SLC41A2: variants seen among roughly 807,000 people sequenced by gnomAD.
The protein encoded by SLC41A2 is SLC41A1-like 1.
A neutral mutation model predicts 58.3 loss-of-function variants in SLC41A2; 32 were observed. The observed-to-expected ratio is 0.55, with a 90% CI of 0.41 to 0.74. The LOEUF (loss-of-function observed/expected upper bound fraction) is 0.74, where lower values mean the gene tolerates loss of function less well. SLC41A2 is among the 30% of genes least tolerant of loss of function. SLC41A2 has a pLI of 0.00. For missense variants in SLC41A2, 514 were observed against 680.6 expected (o/e 0.76, Z 2.72); for synonymous variants, 190 against 235.0 (o/e 0.81, Z 1.75).
At chr12:104,955,803 G>A (rs762505668) in intron 1 of SLC41A2, among the ~76,000 whole-genome samples, 15 of 151,088 alleles carry the variant, frequency 9.9e-5, no homozygotes, top group African/African-American at 2.2e-4. Flanking sequence ...ATTTGTGTGC[G>A]CTCGGAAATT....
intron 1 of SLC41A2, among the ~76,000 whole-genome samples, chr12:104,946,972 T>G (rs1565923328): frequency 6.6e-6 from 1 of 152,178 alleles, no homozygotes; most frequent in Non-Finnish European, 1.5e-5. Context: ...CACTGGTTTA[T>G]GGTGAGGATT....
chr12:104,908,893 G>T (rs1412629014), intron 3 of SLC41A2, among the ~76,000 whole-genome samples: 2 of 152,076 alleles, frequency 1.3e-5, no homozygotes, highest in Non-Finnish European at 2.9e-5. Flanking sequence ...AATAAGAATG[G>T]AAAAATGTAT....
intron 8 of SLC41A2, among the ~76,000 whole-genome samples, chr12:104,860,062 T>C (rs778205654): frequency 6.6e-6 from 1 of 152,114 alleles, no homozygotes; most frequent in African/African-American, 2.4e-5. Context: ...TCTTTTTACA[T>C]AGATATGCAA....
chr12:104,925,488 G>A (rs2046797724), intron 2 of SLC41A2, among the ~76,000 whole-genome samples: 1 of 152,132 alleles, frequency 6.6e-6, no homozygotes, highest in Non-Finnish European at 1.5e-5. Context: ...AACCCGGGAG[G>A]CGGAGTTTGC....
intron 2 of SLC41A2, among the ~76,000 whole-genome samples, chr12:104,919,663 G>A (rs2046498901): frequency 6.6e-6 from 1 of 151,856 alleles, no homozygotes; most frequent in South Asian, 2.1e-4. Flanking sequence ...AACTGCTCTG[G>A]GTCTTCTGCC....
Position 104,861,368 on chromosome 12 carries a change from A to G in SLC41A2, c.1178T>C (p.Ile393Thr), listed in dbSNP as rs776892712. Residue 393 changes from isoleucine to threonine, a missense_variant and splice_region_variant, in exon 8 of 11, where the codon ATT (isoleucine) becomes ACT (threonine). Ile to Thr is a moderately conservative substitution (Grantham distance 89, BLOSUM62 -1). Transcript: ENST00000258538. ...PVITAMVISS[I>T]GGLILDTTVS... ...AGTTGTGTCCAGAATAAGGCCCCCA[A>G]TGCTGAAAGAGATAAAATTATATAA... The G allele has an allele frequency of 3.1e-6, 5 of 1,610,296 alleles. No individual in the cohort carries two copies. Among genetic ancestry groups the G allele is most frequent in the African/African-American group, 2.7e-5 (2 of 74,842 alleles).
chr12:104,949,428 T>C (rs1188427820), intron 1 of SLC41A2, among the ~76,000 whole-genome samples: 1 of 152,200 alleles, frequency 6.6e-6, no homozygotes, highest in Non-Finnish European at 1.5e-5. Flanking sequence ...GATCATCCTT[T>C]ACACAAAGAT....
rs534947595 is a variant in SLC41A2, at chr12:104,958,075, C to G, written c.-168+13G>C. On this transcript the variant is annotated intron_variant, in intron 1 of 10. Transcript: ENST00000258538. ...CGCCGCGGCCGAAGCCGAGACTTCC[C>G]CTCCATGGTCACCTGTTCCGGAGCG... The G allele has an allele frequency of 2.0e-5, 3 of 152,742 alleles. No homozygotes were observed. In the East Asian group the frequency reaches 5.8e-4, roughly 29 times the overall value. 9.5% of individuals were successfully genotyped at this position (152,742 alleles called of 1,614,324 possible).
intron 10 of SLC41A2, among the ~76,000 whole-genome samples, chr12:104,820,302 C>A (rs532508538): frequency 3.3e-5 from 5 of 152,202 alleles, no homozygotes; most frequent in Admixed American, 6.5e-5. Flanking sequence ...CCTGTGTCTA[C>A]TTAAAAATAA....
chr12:104,824,390 A>G (rs1049248901), intron 10 of SLC41A2, among the ~76,000 whole-genome samples: 2 of 152,140 alleles, frequency 1.3e-5, no homozygotes, highest in African/African-American at 4.8e-5. Flanking sequence ...CACCAGCAGA[A>G]TGATGTGGAG....
intron 1 of SLC41A2, among the ~76,000 whole-genome samples, chr12:104,929,387 T>G (rs73383441): frequency 0.031 from 4,650 of 152,338 alleles, 137 homozygotes; most frequent in East Asian, 0.15. Context: ...AATATTCACT[T>G]AAACCTCCAT....
intron 8 of SLC41A2, among the ~76,000 whole-genome samples, chr12:104,859,761 C>CT (rs2043138620): frequency 6.6e-6 from 1 of 151,960 alleles, no homozygotes; most frequent in African/African-American, 2.4e-5. Flanking sequence ...GAGACAAGGT[C>CT]TTGCTCTGTT....
At chr12:104,883,953 T>C (rs1325330309) in intron 6 of SLC41A2, among the ~76,000 whole-genome samples, 4 of 152,144 alleles carry the variant, frequency 2.6e-5, no homozygotes, top group Non-Finnish European at 4.4e-5. Flanking sequence ...AGAGGTGGAG[T>C]CTACAGAGGC....
chr12:104,849,802 TGG>T (rs2042734756), intron 8 of SLC41A2, among the ~76,000 whole-genome samples: 1 of 152,206 alleles, frequency 6.6e-6, no homozygotes, highest in Non-Finnish European at 1.5e-5. Context: ...CACTCCAGTC[TGG>T]GTGACAGAAT....
At chr12:104,944,349 TG>T (rs1424293051) in intron 1 of SLC41A2, among the ~76,000 whole-genome samples, 1 of 152,206 alleles carries the variant, frequency 6.6e-6, no homozygotes, top group Non-Finnish European at 1.5e-5. Flanking sequence ...CTTCCCTTAC[TG>T]GGACACCTTC....
intron 8 of SLC41A2, among the ~76,000 whole-genome samples, chr12:104,858,710 T>C (rs1349740182): frequency 1.3e-5 from 2 of 152,268 alleles, no homozygotes; most frequent in East Asian, 3.9e-4. Context: ...CAGGGTTTGG[T>C]CGTGTTGCCC....
At chr12:104,913,117 A>T (rs1370389375) in intron 2 of SLC41A2, among the ~76,000 whole-genome samples, 1 of 152,296 alleles carries the variant, frequency 6.6e-6, no homozygotes, top group Admixed American at 6.5e-5. Flanking sequence ...TGGTGTGACA[A>T]CAATAAGAGC....
chr12:104,880,553 T>C (rs2135597389), intron 6 of SLC41A2, among the ~76,000 whole-genome samples: 1 of 152,352 alleles, frequency 6.6e-6, no homozygotes, highest in South Asian at 2.1e-4. Context: ...CAAAGGCCTT[T>C]TCTGCATCTA....
chr12:104,900,722 T>C (rs1484159124), intron 3 of SLC41A2, among the ~76,000 whole-genome samples: 1 of 152,208 alleles, frequency 6.6e-6, no homozygotes, highest in Non-Finnish European at 1.5e-5. Context: ...ATCAGGTGTA[T>C]AACAAGAACA....
Sources: gnomAD v4.1 joint callset for allele counts (sites outside exome capture counted in the v4.1 genomes callset) on GRCh38, gnomAD v4.1.1 for gene constraint, MANE v1.5 for transcripts, NCBI Gene and HGNC (gene_info 2026-07-23, HGNC 2026-07-21) for gene names.